The following DENND2B variants were observed in gnomAD, a reference collection of about 807,000 sequenced individuals.
The protein encoded by DENND2B is DENN domain containing 2B.
In DENND2B, 32 loss-of-function variants were observed where a neutral mutation model predicts 116.0. That is an observed-to-expected ratio of 0.28 (90% confidence interval 0.21 to 0.37). DENND2B has a LOEUF of 0.37. DENND2B is among the 10% of genes least tolerant of loss of function. DENND2B has a pLI of 1.00. For synonymous variants in DENND2B, 588 were observed against 583.9 expected, an observed-to-expected ratio of 1.01 and a Z score of -0.10; for missense variants, 1,276 against 1,477.7, an observed-to-expected ratio of 0.86 and a Z score of 2.24.
chr11:8,734,512 G>A (rs995393742), intron 2 of DENND2B, among the ~76,000 whole-genome samples: 5 of 152,144 alleles, frequency 3.3e-5, no homozygotes, highest in African/African-American at 1.2e-4. Flanking sequence ...TCTCGGCCAG[G>A]TGCAGTGGCT....
At chr11:8,793,753 C>A (rs902908931) in intron 1 of DENND2B, among the ~76,000 whole-genome samples, 4 of 152,104 alleles carry the variant, frequency 2.6e-5, no homozygotes, top group Non-Finnish European at 5.9e-5. Context: ...GGTCATATGG[C>A]AATTTGGGGC....
chr11:8,798,442 A>G (rs1177072004), intron 1 of DENND2B, among the ~76,000 whole-genome samples: 1 of 152,174 alleles, frequency 6.6e-6, no homozygotes, highest in Non-Finnish European at 1.5e-5. Flanking sequence ...GGGAACACCA[A>G]AAAATAAAAG....
intron 2 of DENND2B, among the ~76,000 whole-genome samples, chr11:8,863,136 G>A (rs1030304598): frequency 6.6e-6 from 1 of 151,628 alleles, no homozygotes; most frequent in Non-Finnish European, 1.5e-5. Flanking sequence ...GGCAACATAG[G>A]GGGACCCCGT....
chr11:8,775,495 T>C (rs555420779), intron 1 of DENND2B, among the ~76,000 whole-genome samples: 5 of 152,094 alleles, frequency 3.3e-5, no homozygotes, highest in Admixed American at 3.3e-4. Flanking sequence ...ATGGGCACAT[T>C]CTAGTGGCTA....
At chr11:8,784,419 C>T (rs1219200878) in intron 1 of DENND2B, 2 of 145,742 alleles carry the variant, frequency 1.4e-5, no homozygotes, top group Non-Finnish European at 3.0e-5. Flanking sequence ...AGAACAAGAC[C>T]CAGTAACAAA....
At chr11:8,752,245 G>T (rs886604726) in intron 1 of DENND2B, among the ~76,000 whole-genome samples, 1 of 152,212 alleles carries the variant, frequency 6.6e-6, no homozygotes, top group African/African-American at 2.4e-5. Context: ...TTGAGGTCAG[G>T]AGTTCAGACC....
chr11:8,795,753 G>A (rs1593808174), intron 1 of DENND2B, among the ~76,000 whole-genome samples: 1 of 152,052 alleles, frequency 6.6e-6, no homozygotes, highest in South Asian at 2.1e-4. Context: ...TGCTTCCTGG[G>A]GAAAGTGATT....
intron 3 of DENND2B, among the ~76,000 whole-genome samples, chr11:8,727,528 G>C (rs2047281190): frequency 1.3e-5 from 2 of 152,184 alleles, no homozygotes; most frequent in Non-Finnish European, 2.9e-5. Context: ...GGGTCTCTCA[G>C]AGTTCTGTCT....
At chr11:8,750,889 C>T (rs1249722279) in intron 1 of DENND2B, among the ~76,000 whole-genome samples, 164 bp from the exon 2 acceptor site, 1 of 152,158 alleles carries the variant, frequency 6.6e-6, no homozygotes, top group African/African-American at 2.4e-5. Context: ...GCTTAAGAGA[C>T]CCCAAGAAAC....
chr11:8,709,519 C>T (rs911829132), intron 11 of DENND2B, among the ~76,000 whole-genome samples: 3 of 152,188 alleles, frequency 2.0e-5, no homozygotes, highest in East Asian at 1.9e-4. Flanking sequence ...GAGGCCCAGG[C>T]GGCCAGAGGC....
chr11:8,700,072 G>T (rs887129992), intron 14 of DENND2B: 3 of 450,826 alleles, frequency 6.7e-6, no homozygotes, highest in South Asian at 4.7e-5. Context: ...CCTGGGGGGG[G>T]GCAGGGTGGC....
chr11:8,866,021 G>A (rs1361386022), intron 2 of DENND2B, among the ~76,000 whole-genome samples: 1 of 151,778 alleles, frequency 6.6e-6, no homozygotes, highest in Non-Finnish European at 1.5e-5. Context: ...GTGCAGTGGC[G>A]CGATCTCGGC....
intron 2 of DENND2B, among the ~76,000 whole-genome samples, chr11:8,747,656 A>G (rs995564249): frequency 3.9e-5 from 6 of 152,168 alleles, no homozygotes; most frequent in Admixed American, 6.5e-5. Flanking sequence ...GCCTGTGGGG[A>G]GAGTGTATCT....
intron 2 of DENND2B, among the ~76,000 whole-genome samples, chr11:8,857,911 G>A (rs978124730): frequency 6.6e-6 from 1 of 152,066 alleles, no homozygotes; most frequent in Admixed American, 6.6e-5. Flanking sequence ...CTATATGCTC[G>A]ACCAAATCCA....
chr11:8,879,346 T>C (rs1016382613), intron 2 of DENND2B, among the ~76,000 whole-genome samples: 1 of 152,228 alleles, frequency 6.6e-6, no homozygotes, highest in Non-Finnish European at 1.5e-5. Flanking sequence ...CTGGCCATGC[T>C]GGATATGTAT....
chr11:8,909,437 G>GGAAGAA (rs375233557), intron 1 of DENND2B, among the ~76,000 whole-genome samples: 10 of 148,760 alleles, frequency 6.7e-5, no homozygotes, highest in Admixed American at 2.7e-4. Context: ...AGGAGGAGGA[G>GGAAGAA]GAAGAAGGAG....
chr11:8,889,023 T>A (rs1295870950), intron 1 of DENND2B, among the ~76,000 whole-genome samples: 3 of 152,124 alleles, frequency 2.0e-5, no homozygotes, highest in Admixed American at 2.0e-4. Context: ...AGTATGGTGA[T>A]TCTGCAAAAA....
intron 4 of DENND2B, among the ~76,000 whole-genome samples, chr11:8,825,786 T>C (rs934720325): frequency 7.2e-5 from 11 of 152,106 alleles, no homozygotes; most frequent in Admixed American, 7.2e-4. Context: ...TAAAGATGGT[T>C]ATTAGTGAAA....
In DENND2B at chr11:8,707,905, G is replaced by T; in HGVS notation, c.2353-51C>A. 1 of 1,574,662 alleles carries T rather than the reference G, an allele frequency of 6.4e-7. No individual in the cohort carries two copies. The highest frequency in any genetic ancestry group is 1.2e-5 in the South Asian group (1 of 86,178). The stretch of plus-strand genomic sequence containing the variant: ...AGAGAGACAGACACAGAGAATGCAT[G>T]ATTACCATTTCTGGCTCCTTTTCCT... On this transcript the variant is annotated intron_variant, in intron 11 of 19. Coordinates refer to ENST00000313726, the MANE Select transcript of DENND2B (RefSeq NM_213618.2). The surrounding 1 kb of genome is among the most constrained non-coding windows in gnomAD (Gnocchi z 4.8).
Sources: gnomAD v4.1 joint callset for allele counts (sites outside exome capture counted in the v4.1 genomes callset) on GRCh38, gnomAD v4.1.1 for gene constraint, Gnocchi (gnomAD v3.1) non-coding constraint, MANE v1.5 for transcripts, NCBI Gene and HGNC (gene_info 2026-07-23, HGNC 2026-07-21) for gene names.